Variants in IKBKE observed in about 807,000 individuals in gnomAD.
IKBKE encodes inhibitor of nuclear factor kappa-B kinase subunit epsilon.
A neutral mutation model predicts 92.1 loss-of-function variants in IKBKE; 45 were observed. The ratio of observed to expected loss-of-function variants is 0.49; its 90% CI spans 0.38 to 0.63. IKBKE has a LOEUF of 0.63. IKBKE is among the 20% of genes least tolerant of loss of function. IKBKE has a pLI of 0.00. For synonymous variants in IKBKE, 374 were observed against 380.3 expected, an observed-to-expected ratio of 0.98 and a Z score of 0.19; for missense variants, 700 against 932.8, an observed-to-expected ratio of 0.75 and a Z score of 3.25.
chr1:206,472,874 G>A (rs1664855228), intron 2 of IKBKE: 1 of 319,040 alleles, frequency 3.1e-6, no homozygotes, highest in Non-Finnish European at 5.8e-6. Flanking sequence ...AGAGGTGGTA[G>A]AGACAAGAGG....
chr1:206,481,881 G>T (rs1260928871), intron 13 of IKBKE, among the ~76,000 whole-genome samples: 10 of 138,312 alleles, frequency 7.2e-5, no homozygotes, highest in Non-Finnish European at 3.0e-5. Context: ...CCGGGTTCAC[G>T]CCATTCTCCT....
chr1:206,489,322 C>A (rs1665814938), intron 16 of IKBKE, among the ~76,000 whole-genome samples: 2 of 141,506 alleles, frequency 1.4e-5, no homozygotes, highest in African/African-American at 2.6e-5. Context: ...TATTGGGAAA[C>A]TAAATTTTAT....
Position 206,476,323 on chromosome 1 carries a change from TGAG to T in IKBKE, c.502_504del (p.Glu168del). Reference sequence around the variant, plus strand: ...GCGCTGCCCGGGAGCTGGATGATGATGAGAAGTTCGTCTCGGTCTATGGGACTG... The same window carrying T: ...GCGCTGCCCGGGAGCTGGATGATGATAAGTTCGTCTCGGTCTATGGGACTG... On this transcript the variant is annotated inframe_deletion, in exon 6 of 22. Coordinates refer to ENST00000581977, the MANE Select transcript of IKBKE (RefSeq NM_014002.4). This position sits in a 1 kb window ranked among gnomAD's most constrained non-coding sequence, Gnocchi z 5.1. 1 of 1,613,368 alleles carries T rather than the reference TGAG, an allele frequency of 6.2e-7. No individual in the cohort carries two copies. Among genetic ancestry groups the T allele is most frequent in the Non-Finnish European group, 8.5e-7 (1 of 1,179,346 alleles).
At chr1:206,479,720 T>G (rs1362389241) in intron 10 of IKBKE, 150 bp from the exon 11 acceptor site, 4 of 828,812 alleles carry the variant, frequency 4.8e-6, no homozygotes, top group Non-Finnish European at 7.9e-6. Context: ...TAAGTGTGGC[T>G]AAGGCTGGCA....
intron 5 of IKBKE, among the ~76,000 whole-genome samples, chr1:206,475,457 G>A (rs575468469): frequency 3.7e-4 from 57 of 152,296 alleles, no homozygotes; most frequent in African/African-American, 1.3e-3. Context: ...GAATGAGGCC[G>A]GGTGCAGTGG....
Position 206,476,289 on chromosome 1 carries a change from C to A in IKBKE, c.467C>A (p.Thr156Lys). The part of the protein sequence containing the change: ...GEEGQSIYKL[T>K]DFGAARELDD... ...GAGGGGCAGAGCATCTACAAGCTGACAGACTTCGGCGCTGCCCGGGAGCTG... is the reference window on the plus strand; with the variant it reads ...GAGGGGCAGAGCATCTACAAGCTGAAAGACTTCGGCGCTGCCCGGGAGCTG... The change falls in exon 6 of 22, where the codon ACA becomes AAA. Residue 156 changes from threonine to lysine, a missense_variant. Coordinates refer to ENST00000581977, the MANE Select transcript of IKBKE (RefSeq NM_014002.4). The surrounding 1 kb of genome is among the most constrained non-coding windows in gnomAD (Gnocchi z 5.1). The A allele has an allele frequency of 6.2e-7, 1 of 1,614,126 alleles. No homozygotes were observed. Among genetic ancestry groups the A allele is most frequent in the Non-Finnish European group, 8.5e-7 (1 of 1,179,998 alleles).
At chr1:206,489,375 A>G (rs201784199) in intron 16 of IKBKE, among the ~76,000 whole-genome samples, 27,283 of 71,464 alleles carry the variant, frequency 0.38, 2,828 homozygotes, top group African/African-American at 0.4. Context: ...GTGTGTATAT[A>G]TATATATATA....
intron 18 of IKBKE, 74 bp from the exon 19 acceptor site, chr1:206,492,949 G>C: frequency 2.3e-6 from 3 of 1,312,442 alleles, no homozygotes; most frequent in Non-Finnish European, 3.2e-6. Context: ...GTGTGGATCC[G>C]ATGGCAGCTA....
intron 13 of IKBKE, among the ~76,000 whole-genome samples, chr1:206,484,153 G>GTATTGTATTGTATTT (rs1558479942): frequency 7.4e-6 from 1 of 135,038 alleles, no homozygotes; most frequent in African/African-American, 2.8e-5. Flanking sequence ...GTATTGTATT[G>GTATTGTATTGTATTT]TATTGTATTA....
chr1:206,482,491 G>A (rs1665458012), intron 13 of IKBKE, among the ~76,000 whole-genome samples: 1 of 152,218 alleles, frequency 6.6e-6, no homozygotes, highest in African/African-American at 2.4e-5. Flanking sequence ...TCCGCTGGCT[G>A]CTGTTCCCCT....
At position 206,474,346 on chromosome 1, in the gene IKBKE, G is replaced by T; in HGVS notation, c.103G>T (p.Val35Phe). The T allele has an allele frequency of 6.2e-7, 1 of 1,613,678 alleles. No homozygotes were observed. Among genetic ancestry groups the T allele is most frequent in the Middle Eastern group, 1.7e-4 (1 of 5,986 alleles). The change falls in exon 4 of 22, where the codon GTT (valine) becomes TTT (phenylalanine). Residue 35 changes from valine (V) to phenylalanine (F), a missense_variant. Transcript: ENST00000581977. ...CCAATGGCAGAAATCCGGAGAGCTG[G>T]TTGCTGTGAAGGTCTTCAACACTAC... ...KARNKKSGEL[V>F]AVKVFNTTSY...
In IKBKE at chr1:206,478,446, G is replaced by A; in HGVS notation, c.992+107G>A. ...GTACGTTCTGAGGAGTGTGTACATA[G>A]GAACGCTTCCAGGTCCAAACGTAGT... On this transcript the variant is annotated intron_variant, in intron 9 of 21. Coordinates refer to ENST00000581977, the MANE Select transcript of IKBKE (RefSeq NM_014002.4). This position sits in a 1 kb window ranked among gnomAD's most constrained non-coding sequence, Gnocchi z 4.8. 1.7e-6 allele frequency: 2 copies of A among 1,156,750 alleles called. No individual in the cohort carries two copies. The highest frequency in any genetic ancestry group is 2.5e-6 in the Non-Finnish European group (2 of 797,432). The allele number at this position is 1,156,750 out of a possible 1,614,324, so 71.7% of individuals were successfully genotyped here. A position where few individuals can be genotyped will look rare whatever the true frequency, so the allele number is the denominator to read the frequency against.
At position 206,476,426 on chromosome 1, in the gene IKBKE, C is replaced by G. The variant is rs1665067340; in HGVS notation, c.540+64C>G. The G allele has an allele frequency of 5.3e-6, 8 of 1,515,642 alleles. No individual in the cohort carries two copies. Among genetic ancestry groups the G allele is most frequent in the Non-Finnish European group, 5.4e-6 (6 of 1,110,400 alleles). The allele number at this position is 1,515,642 out of a possible 1,614,324, so 93.9% of individuals were successfully genotyped here. A position where few individuals can be genotyped will look rare whatever the true frequency, so the allele number is the denominator to read the frequency against. ...GGCTCCCCTTGCCTTGTGAGCCCCC[C>G]AGAGCCCCCATGAGGGGGTGTGGCC... On this transcript the variant is annotated intron_variant, in intron 6 of 21. Coordinates refer to ENST00000581977, the MANE Select transcript of IKBKE (RefSeq NM_014002.4). The surrounding 1 kb of genome is among the most constrained non-coding windows in gnomAD (Gnocchi z 5.1).
rs781970136 is a variant in IKBKE at position 206,477,726 on chromosome 1, T to A, written c.702-23T>A. 1.4e-5 allele frequency: 20 copies of A among 1,451,036 alleles called. No individual in the cohort carries two copies. In the South Asian group the frequency reaches 2.4e-4, roughly 18 times the overall value. 89.9% of individuals were successfully genotyped at this position (1,451,036 alleles called of 1,614,324 possible). On this transcript the variant is annotated intron_variant, in intron 7 of 21. Coordinates refer to ENST00000581977, the MANE Select transcript of IKBKE (RefSeq NM_014002.4). Reference sequence around the variant, plus strand: ...GCAATGTGATAGCTGGGGATCCCGCTGACCTGGCCTTCCTCCCCGCAGGTA... The same window carrying A: ...GCAATGTGATAGCTGGGGATCCCGCAGACCTGGCCTTCCTCCCCGCAGGTA...
In IKBKE at chr1:206,480,082, G is replaced by T; in HGVS notation, c.1309G>T (p.Glu437Ter). 6.3e-7 allele frequency: 1 copy of T among 1,595,620 alleles called. No homozygotes were observed. The highest frequency in any genetic ancestry group is 2.3e-5 in the East Asian group (1 of 44,384). ...RLARALLDGQ[E>*]LMFRGLHWVM... The stretch of plus-strand genomic sequence containing the variant: ...GGCACGGGCCCTGCTGGATGGGCAG[G>T]AGCTAATGTTTCGGGGGCTGCACTG... The change falls in exon 12 of 22, where the codon GAG (glutamate) becomes TAG (stop). Residue 437 changes from glutamate to a stop codon, truncating the protein, a stop_gained. Transcript: ENST00000581977. LOFTEE classifies it high-confidence loss of function.
rs1553384572 is a variant in IKBKE at position 206,474,328 on chromosome 1, C to G, written c.88-3C>G. The G allele has an allele frequency of 6.2e-7, 1 of 1,610,914 alleles. No homozygotes were observed. Among genetic ancestry groups the G allele is most frequent in the Admixed American group, 1.7e-5 (1 of 59,846 alleles). ...TCTCCCACTGCTCCCTCCCCAATGG[C>G]AGAAATCCGGAGAGCTGGTTGCTGT... On this transcript the variant is annotated splice_region_variant and splice_polypyrimidine_tract_variant and intron_variant, in intron 3 of 21. Coordinates refer to ENST00000581977, the MANE Select transcript of IKBKE (RefSeq NM_014002.4).
intron 4 of IKBKE, 150 bp from the exon 5 acceptor site, chr1:206,474,715 C>T (rs1282110375): frequency 8.7e-6 from 8 of 919,274 alleles, no homozygotes; most frequent in South Asian, 5.1e-5. Context: ...TTCCAGTGTG[C>T]GGGATCAGTG....
chr1:206,484,970 G>A (rs2103471510), intron 13 of IKBKE, 27 bp from the exon 14 acceptor site: 1 of 1,604,014 alleles, frequency 6.2e-7, no homozygotes. Context: ...GCCCCCAAAT[G>A]TGGCCTTTCT....
rs782647190 is a variant in IKBKE, at chr1:206,485,334, G to T, written c.1616+28G>T. 3 of 1,399,206 alleles carry T rather than the reference G, an allele frequency of 2.1e-6. No individual in the cohort carries two copies. Among genetic ancestry groups the T allele is most frequent in the Non-Finnish European group, 2.0e-6 (2 of 984,308 alleles). 86.7% of individuals were successfully genotyped at this position (1,399,206 alleles called of 1,614,324 possible). On this transcript the variant is annotated intron_variant, in intron 15 of 21. Coordinates refer to ENST00000581977, the MANE Select transcript of IKBKE (RefSeq NM_014002.4). This position sits in a 1 kb window ranked among gnomAD's most constrained non-coding sequence, Gnocchi z 5.0. Reference sequence around the variant, plus strand: ...CTGTGGGATTTTCCTTCTTTGTGGGGTGGGAGTGGGGGAGTGGGCAGCTCC... The same window carrying T: ...CTGTGGGATTTTCCTTCTTTGTGGGTTGGGAGTGGGGGAGTGGGCAGCTCC...
Sources: allele counts gnomAD v4.1 joint callset (sites outside exome capture counted in the v4.1 genomes callset), GRCh38; gene constraint gnomAD v4.1.1; non-coding constraint Gnocchi (gnomAD v3.1); transcripts MANE v1.5; gene names NCBI Gene and HGNC (gene_info 2026-07-23, HGNC 2026-07-21).